ANK2: variants seen among roughly 807,000 people sequenced by gnomAD.
ANK2 encodes the protein ankyrin-2.
A neutral mutation model predicts 360.5 loss-of-function variants in ANK2; 83 were observed. The ratio of observed to expected loss-of-function variants is 0.23; its 90% CI spans 0.19 to 0.28. ANK2 has a LOEUF of 0.28. Among genes scored for constraint, ANK2 ranks in the 10% least tolerant of loss-of-function variants. The pLI is 1.00. For synonymous variants in ANK2, 1,740 were observed against 1,759.5 expected (o/e 0.99, Z 0.28); for missense variants, 4,201 against 4,795.7 (o/e 0.88, Z 3.66).
chr4:112,973,429 G>T (rs1185500681), intron 2 of ANK2, among the ~76,000 whole-genome samples: 2 of 152,184 alleles, frequency 1.3e-5, no homozygotes, highest in African/African-American at 4.8e-5. Context: ...AAATGGCAGA[G>T]TTAAGTCTTT....
At chr4:113,054,899 A>G (rs973157539) in intron 1 of ANK2, among the ~76,000 whole-genome samples, 4 of 152,104 alleles carry the variant, frequency 2.6e-5, no homozygotes, top group Non-Finnish European at 4.4e-5. Context: ...TGATAATTTC[A>G]TGTCTTAGTA....
intron 1 of ANK2, among the ~76,000 whole-genome samples, chr4:112,860,925 A>G (rs2067800765): frequency 1.3e-5 from 2 of 152,216 alleles, no homozygotes; most frequent in Non-Finnish European, 2.9e-5. Context: ...TGACATGTAC[A>G]AGTTTCCAAA....
At position 112,906,420 on chromosome 4, in the gene ANK2, G is replaced by A. The variant is rs28580288; in HGVS notation, c.21+1906G>A. Among the ~76,000 whole-genome samples, 381 of 152,244 alleles carry A rather than the reference G, an allele frequency of 2.5e-3. 2 individuals are homozygous for A. The highest frequency in any genetic ancestry group is 0.01 in the Middle Eastern group (3 of 294). On this transcript the variant is annotated intron_variant, in intron 2 of 30. Transcript: ENST00000503271. Reference sequence around the variant, plus strand: ...AAATTTTGTCAGGAAATAAAAGTGCGGAGAATCCAGCGTCTGGATAGGGAA... The same window carrying A: ...AAATTTTGTCAGGAAATAAAAGTGCAGAGAATCCAGCGTCTGGATAGGGAA...
At chr4:112,790,565 G>A in the ANK2 span, among the ~76,000 whole-genome samples, 1 of 144,028 alleles carries the variant, frequency 6.9e-6, no homozygotes, top group Admixed American at 7.4e-5. Flanking sequence ...ATGGCTCACT[G>A]CAACCTCTGC....
the ANK2 span, among the ~76,000 whole-genome samples, chr4:112,792,803 A>G: frequency 6.6e-6 from 1 of 152,214 alleles, no homozygotes; most frequent in African/African-American, 2.4e-5. Context: ...TAGACCCCAA[A>G]GAAAGGAGAA....
intron 36 of ANK2, among the ~76,000 whole-genome samples, chr4:113,348,748 A>T (rs1047039608): frequency 6.6e-6 from 1 of 152,158 alleles, no homozygotes; most frequent in Non-Finnish European, 1.5e-5. Flanking sequence ...CCCAGAGGCT[A>T]TACTACATGT....
intron 1 of ANK2, among the ~76,000 whole-genome samples, chr4:112,889,300 G>T (rs2079272297): frequency 6.6e-6 from 1 of 151,428 alleles, no homozygotes; most frequent in African/African-American, 2.4e-5. Flanking sequence ...TTTTATGGGA[G>T]ATATTGCCCT....
intron 1 of ANK2, among the ~76,000 whole-genome samples, chr4:113,098,017 A>G (rs1452720245): frequency 6.6e-6 from 1 of 151,382 alleles, no homozygotes; most frequent in East Asian, 1.9e-4. Context: ...TATTCATGTA[A>G]TATTGGACAA....
In ANK2 at chr4:113,375,315, A is replaced by AAT. The variant is rs1401585192; in HGVS notation, c.11859+1866_11859+1867insAT. Among the ~76,000 whole-genome samples, 10 of 152,362 alleles carry AAT rather than the reference A, an allele frequency of 6.6e-5. No homozygotes were observed. The East Asian group carries it at 1.2e-3, about 18-fold the overall frequency. On this transcript the variant is annotated intron_variant, in intron 45 of 45. Coordinates refer to ENST00000357077, the MANE Select transcript of ANK2 (RefSeq NM_001148.6). Reference sequence around the variant, plus strand: ...ACATTGCAAATTATATTTGCTAGCCAGTCTTTTCAAATATAATCTGTGATA... The same window carrying AAT: ...ACATTGCAAATTATATTTGCTAGCCAATGTCTTTTCAAATATAATCTGTGATA...
chr4:113,207,857 G>T (rs1011989933), intron 4 of ANK2, among the ~76,000 whole-genome samples: 1 of 152,140 alleles, frequency 6.6e-6, no homozygotes, highest in Non-Finnish European at 1.5e-5. Context: ...TGGGCAGGGG[G>T]CATGCGGAAG....
intron 18 of ANK2, among the ~76,000 whole-genome samples, chr4:113,284,273 A>G (rs2063527657): frequency 6.6e-6 from 1 of 152,206 alleles, no homozygotes; most frequent in South Asian, 2.1e-4. Context: ...CTGTTGGAGA[A>G]AATGTGATCA....
chr4:113,148,587 T>C (rs960950193), intron 1 of ANK2, among the ~76,000 whole-genome samples: 3 of 152,142 alleles, frequency 2.0e-5, no homozygotes, highest in South Asian at 2.1e-4. Context: ...TCTGGTCTTA[T>C]TATGAAAACA....
intron 23 of ANK2, among the ~76,000 whole-genome samples, chr4:113,310,537 C>T (rs1329862776): frequency 6.6e-6 from 1 of 152,102 alleles, no homozygotes; most frequent in East Asian, 1.9e-4. Flanking sequence ...CTGCCTCAGC[C>T]TCCCAAGTAG....
At chr4:113,334,391 G>C (rs1227188854) in intron 29 of ANK2, among the ~76,000 whole-genome samples, 1 of 152,038 alleles carries the variant, frequency 6.6e-6, no homozygotes, top group Non-Finnish European at 1.5e-5. Flanking sequence ...TTAGGTTTAG[G>C]ATATTTTCCT....
At chr4:113,068,148 C>T (rs72671583) in intron 1 of ANK2, among the ~76,000 whole-genome samples, 11,765 of 152,166 alleles carry the variant, frequency 0.077, 535 homozygotes, top group East Asian at 0.15. Flanking sequence ...GGTTGATAGC[C>T]ACATCTTTGC....
At chr4:113,046,479 G>C (rs1459294438), upstream of ANK2, among the ~76,000 whole-genome samples, 1 of 152,052 alleles carries the variant, frequency 6.6e-6, no homozygotes, top group African/African-American at 2.4e-5. Flanking sequence ...AGTCACGAGG[G>C]TAGAGCCCTC....
chr4:113,143,255 T>C (rs1218153425), intron 1 of ANK2, among the ~76,000 whole-genome samples: 1 of 35,866 alleles, frequency 2.8e-5, no homozygotes, highest in Non-Finnish European at 5.7e-5. Flanking sequence ...ACAGGTGTAA[T>C]GAAGACTTGC....
At chr4:113,369,248 T>G (rs963228180) in intron 42 of ANK2, among the ~76,000 whole-genome samples, 1 of 152,124 alleles carries the variant, frequency 6.6e-6, no homozygotes, top group African/African-American at 2.4e-5. Flanking sequence ...ATTGTAGAGG[T>G]TGGGTAACTG....
the ANK2 span, among the ~76,000 whole-genome samples, chr4:112,739,522 G>A: frequency 6.6e-6 from 1 of 152,180 alleles, no homozygotes; most frequent in Non-Finnish European, 1.5e-5. Context: ...ACTGAGGCAG[G>A]AGTTTCACTT....
Sources: gnomAD v4.1 joint callset for allele counts (sites outside exome capture counted in the v4.1 genomes callset) on GRCh38, gnomAD v4.1.1 for gene constraint, MANE v1.5 for transcripts, NCBI Gene and HGNC (gene_info 2026-07-23, HGNC 2026-07-21) for gene names.